FRMD4B: variants seen among roughly 807,000 people sequenced by gnomAD.
The protein encoded by FRMD4B is FERM domain-containing protein 4B.
In FRMD4B, 74 loss-of-function variants were observed where a neutral mutation model predicts 141.5. That is an observed-to-expected ratio of 0.52 (90% CI 0.43 to 0.63). FRMD4B has a LOEUF of 0.63. FRMD4B is among the 30% of genes least tolerant of loss of function. FRMD4B has a pLI of 0.00. For synonymous variants in FRMD4B, 506 were observed against 467.9 expected, an observed-to-expected ratio of 1.08 and a Z score of -1.05; for missense variants, 1,366 against 1,253.4, an observed-to-expected ratio of 1.09 and a Z score of -1.36.
intron 20 of FRMD4B, 98 bp from the exon 21 acceptor site, chr3:69,181,808 A>T: frequency 1.4e-6 from 1 of 707,682 alleles, no homozygotes; most frequent in Non-Finnish European, 2.4e-6. Context: ...ATAGCTCGTG[A>T]ATTACAATAG....
chr3:69,182,649 A>G lies in FRMD4B; in HGVS notation c.1988T>C (p.Met663Thr). ...LERRPQGGRSMPTTPVLTRNA... is the reference protein window; with the variant it reads ...LERRPQGGRSTPTTPVLTRNA... ...TCGGGTAAGAACTGGCGTGGTGGGC[A>G]TGCTTCGTCCTCCCTGGGGCCGCCT... The change falls in exon 20 of 23, where the codon ATG (methionine) becomes ACG (threonine). Residue 663 changes from methionine to threonine, a missense_variant. Physicochemically the swap from Met to Thr is moderately conservative, Grantham distance 81 (BLOSUM62 -1). Transcript: ENST00000398540. 1 of 1,613,816 alleles carries G rather than the reference A, an allele frequency of 6.2e-7. No individual in the cohort carries two copies. Among genetic ancestry groups the G allele is most frequent in the Non-Finnish European group, 8.5e-7 (1 of 1,179,756 alleles).
chr3:69,352,185 T>C (rs919947804), intron 1 of FRMD4B, among the ~76,000 whole-genome samples: 1 of 152,226 alleles, frequency 6.6e-6, no homozygotes, highest in African/African-American at 2.4e-5. Context: ...CTTCTCAGGA[T>C]GTTCTATGGC....
chr3:69,524,364 C>G (rs1302304751), intron 1 of FRMD4B, among the ~76,000 whole-genome samples: 1 of 152,206 alleles, frequency 6.6e-6, no homozygotes, highest in Non-Finnish European at 1.5e-5. Context: ...TGTTAAGTCA[C>G]AGAGTTAGGA....
intron 7 of FRMD4B, among the ~76,000 whole-genome samples, chr3:69,240,104 CA>C (rs1371709687): frequency 2.0e-5 from 3 of 151,478 alleles, no homozygotes; most frequent in Non-Finnish European, 4.4e-5. Flanking sequence ...TTAACACTAC[CA>C]AACTCTATTC....
chr3:69,482,919 C>T (rs1431586131), intron 1 of FRMD4B, among the ~76,000 whole-genome samples: 8 of 149,258 alleles, frequency 5.4e-5, no homozygotes, highest in African/African-American at 2.4e-5. Flanking sequence ...ACCAATTCTA[C>T]CCCCTGTTGT....
At chr3:69,214,600 T>C (rs1010356670) in intron 11 of FRMD4B, among the ~76,000 whole-genome samples, 33 of 152,174 alleles carry the variant, frequency 2.2e-4, no homozygotes, top group Admixed American at 3.9e-4. Context: ...GGCTCGTGCC[T>C]GTAATCCCAG....
intron 1 of FRMD4B, among the ~76,000 whole-genome samples, chr3:69,378,476 TAGATA>T (rs1315085742): frequency 6.6e-6 from 1 of 152,200 alleles, no homozygotes; most frequent in African/African-American, 2.4e-5. Context: ...AGTGATTGAA[TAGATA>T]GTATGAGCAA....
At chr3:69,412,073 A>C (rs562230003) in intron 2 of FRMD4B, among the ~76,000 whole-genome samples, 2 of 152,266 alleles carry the variant, frequency 1.3e-5, no homozygotes, top group Admixed American at 6.5e-5. Context: ...TTCATCTATA[A>C]ATTTATTAAT....
At chr3:69,393,425 G>C (rs1704420773) in intron 2 of FRMD4B, among the ~76,000 whole-genome samples, 1 of 151,700 alleles carries the variant, frequency 6.6e-6, no homozygotes, top group African/African-American at 2.4e-5. Flanking sequence ...ATTCCTGCCA[G>C]ATCAAATTTT....
intron 5 of FRMD4B, among the ~76,000 whole-genome samples, chr3:69,282,247 C>T (rs2107018664): frequency 6.6e-6 from 1 of 152,248 alleles, no homozygotes; most frequent in East Asian, 1.9e-4. Context: ...AAGGAAGTAG[C>T]TGTAGGCGAA....
intron 1 of FRMD4B, among the ~76,000 whole-genome samples, chr3:69,357,549 A>C (rs1159130289): frequency 1.3e-5 from 2 of 152,204 alleles, no homozygotes; most frequent in Non-Finnish European, 2.9e-5. Context: ...GGTTTTATTG[A>C]CTGTGAGGGT....
intron 5 of FRMD4B, among the ~76,000 whole-genome samples, chr3:69,273,562 T>C (rs1168242178): frequency 2.0e-5 from 3 of 152,216 alleles, no homozygotes; most frequent in African/African-American, 7.2e-5. Context: ...AGAGTAAGAC[T>C]GAAAGCTGAA....
chr3:69,238,671 T>C (rs1318581400), intron 7 of FRMD4B, among the ~76,000 whole-genome samples: 1 of 152,152 alleles, frequency 6.6e-6, no homozygotes. Context: ...TAGTCCCAGC[T>C]ACTCGGGAGG....
intron 1 of FRMD4B, among the ~76,000 whole-genome samples, chr3:69,442,856 A>G (rs1226038863): frequency 1.3e-5 from 2 of 152,224 alleles, no homozygotes; most frequent in African/African-American, 4.8e-5. Flanking sequence ...GCTTTGGGCC[A>G]GTTTCTTCAT....
intron 7 of FRMD4B, among the ~76,000 whole-genome samples, chr3:69,240,132 T>C (rs1344268731): frequency 6.6e-6 from 1 of 151,920 alleles, no homozygotes; most frequent in African/African-American, 2.4e-5. Flanking sequence ...ATGGTTGAGA[T>C]GATAAATTTT....
chr3:69,298,570 T>C (rs886158793), intron 4 of FRMD4B, among the ~76,000 whole-genome samples: 1 of 152,204 alleles, frequency 6.6e-6, no homozygotes, highest in Non-Finnish European at 1.5e-5. Context: ...ACCTCCCTTT[T>C]ATAGGTTCTC....
At chr3:69,215,282 C>CTTTGTTTTTTTTTT (rs1559724064) in intron 11 of FRMD4B, among the ~76,000 whole-genome samples, 4 of 37,474 alleles carry the variant, frequency 1.1e-4, no homozygotes, top group African/African-American at 2.6e-4. Context: ...GATTGTGACC[C>CTTTGTTTTTTTTTT]TCTTTTTTTT....
At chr3:69,186,367 TC>T (rs1404203599) in intron 19 of FRMD4B, among the ~76,000 whole-genome samples, 2 of 151,134 alleles carry the variant, frequency 1.3e-5, no homozygotes, top group Admixed American at 6.6e-5. Flanking sequence ...TGCCTCAGTC[TC>T]CCAAGTAGCT....
Position 69,401,096 on chromosome 3 carries a change from AAT to A in FRMD4B, c.-1+31536_-1+31537del, listed in dbSNP as rs565260908. On this transcript the variant is annotated intron_variant, in intron 2 of 5. Coordinates refer to the FRMD4B transcript ENST00000459638. Reference sequence around the variant, plus strand: ...AATAATTTAAGATACACAGCATAGAAATATATAAAATGCAAACATTATGTTTA... The same window carrying A: ...AATAATTTAAGATACACAGCATAGAAATATAAAATGCAAACATTATGTTTA... Among the ~76,000 whole-genome samples the A allele has an allele frequency of 1.5e-3, 221 of 152,366 alleles. 2 individuals are homozygous for A. The highest frequency in any genetic ancestry group is 6.8e-3 in the Middle Eastern group (2 of 294).
Sources: allele counts gnomAD v4.1 joint callset (sites outside exome capture counted in the v4.1 genomes callset), GRCh38; gene constraint gnomAD v4.1.1; transcripts MANE v1.5; gene names NCBI Gene and HGNC (gene_info 2026-07-23, HGNC 2026-07-21).